The following NSUN6 variants were observed in gnomAD, a reference collection of about 807,000 sequenced individuals.
NSUN6 encodes the protein NOP2/Sun RNA methyltransferase 6.
A neutral mutation model predicts 58.0 loss-of-function variants in NSUN6; 64 were observed. That is an observed-to-expected ratio of 1.10 (90% CI 0.90 to 1.36). The LOEUF (loss-of-function observed/expected upper bound fraction) is 1.36. NSUN6 is among the 40% of genes most tolerant of loss of function. NSUN6 has a pLI of 0.00. For missense variants in NSUN6, 701 were observed against 550.1 expected (o/e 1.27, Z -2.74); for synonymous variants, 231 against 193.9 (o/e 1.19, Z -1.59).
At chr10:18,553,157 T>G (rs1277439699) in intron 8 of NSUN6, among the ~76,000 whole-genome samples, 1 of 151,840 alleles carries the variant, frequency 6.6e-6, no homozygotes, top group African/African-American at 2.4e-5. Flanking sequence ...TCCCTTCCAT[T>G]CCATTCTCCA....
At chr10:18,556,145 GGAATGGAATGGA>G (rs911070012) in intron 8 of NSUN6, among the ~76,000 whole-genome samples, 4 of 148,328 alleles carry the variant, frequency 2.7e-5, no homozygotes, top group Admixed American at 2.0e-4. Context: ...AATGGAGAAT[GGAATGGAATGGA>G]GAATGGAATG....
At chr10:18,634,886 TAGAA>T (rs1314316933) in intron 3 of NSUN6, among the ~76,000 whole-genome samples, 1 of 152,150 alleles carries the variant, frequency 6.6e-6, no homozygotes, top group Non-Finnish European at 1.5e-5. Context: ...CTGCGGTTCT[TAGAA>T]AGGGTTGCTT....
intron 2 of NSUN6, among the ~76,000 whole-genome samples, chr10:18,645,795 C>G (rs960230640): frequency 6.6e-6 from 1 of 152,128 alleles, no homozygotes; most frequent in African/African-American, 2.4e-5. Flanking sequence ...AAGATACCAC[C>G]AATGTTCCAA....
chr10:18,657,930 A>T (rs1195942041), upstream of NSUN6, among the ~76,000 whole-genome samples: 1 of 151,858 alleles, frequency 6.6e-6, no homozygotes, highest in African/African-American at 2.4e-5. Context: ...GCATCTTCAT[A>T]CAAAAATGCT....
intron 8 of NSUN6, among the ~76,000 whole-genome samples, chr10:18,573,685 T>A (rs1198999331): frequency 6.6e-6 from 1 of 152,146 alleles, no homozygotes; most frequent in Non-Finnish European, 1.5e-5. Flanking sequence ...ACACATATTC[T>A]TAACCATCTG....
At chr10:18,627,461 G>T (rs1039635495) in intron 3 of NSUN6, among the ~76,000 whole-genome samples, 5 of 152,208 alleles carry the variant, frequency 3.3e-5, no homozygotes, top group Admixed American at 6.5e-5. Context: ...CGTGAGCGAC[G>T]CAGAAGACGG....
chr10:18,637,448 T>C (rs1306024343), intron 3 of NSUN6, among the ~76,000 whole-genome samples: 1 of 152,216 alleles, frequency 6.6e-6, no homozygotes, highest in Non-Finnish European at 1.5e-5. Flanking sequence ...TTGAAAATAA[T>C]TTAAAGTTAA....
In NSUN6 at chr10:18,608,713, C is replaced by A. The variant is rs116107980; in HGVS notation, c.657+1132G>T. On this transcript the variant is annotated intron_variant, in intron 6 of 10. Coordinates refer to ENST00000377304, the MANE Select transcript of NSUN6 (RefSeq NM_182543.5). ...CAAACCAAAGAGAAAACTAACATTGCATTAAACATTATTAACTGGAAGGAG... is the reference window on the plus strand; with the variant it reads ...CAAACCAAAGAGAAAACTAACATTGAATTAAACATTATTAACTGGAAGGAG... Among the ~76,000 whole-genome samples, 1,228 of 150,718 alleles carry A rather than the reference C, an allele frequency of 8.1e-3. 20 individuals carry two copies. The highest frequency in any genetic ancestry group is 0.029 in the African/African-American group (1,178 of 41,078).
chr10:18,552,934 C>CCACATAT (rs1408508290), intron 8 of NSUN6, among the ~76,000 whole-genome samples: 8 of 138,404 alleles, frequency 5.8e-5, no homozygotes, highest in Non-Finnish European at 1.0e-4. Flanking sequence ...ACTCTCCATT[C>CCACATAT]CATTCTCCAC....
At position 18,647,725 on chromosome 10, in the gene NSUN6, GTTTTTTT is replaced by G. The variant is rs571301351; in HGVS notation, c.231+758_231+764del. ...TAAAACATAAGGCGCTCAACACCTT[GTTTTTTT>G]TTTTTTTTTTTTTTTTTTTTGAGAC... is the stretch of plus-strand genomic sequence containing the variant. On this transcript the variant is annotated intron_variant, in intron 2 of 10. Transcript: ENST00000377304. 5.8e-4 allele frequency among the ~76,000 whole-genome samples: 58 copies of G among 100,086 alleles called. 3 individuals are homozygous for G. Among genetic ancestry groups the G allele is most frequent in the East Asian group, 1.8e-3 (7 of 3,834 alleles). The allele number at this position is 100,086 out of a possible 152,430, so 65.7% of individuals were successfully genotyped here. A position where few individuals can be genotyped will look rare whatever the true frequency, so the allele number is the denominator to read the frequency against.
At chr10:18,648,032 C>A (rs578171255) in intron 2 of NSUN6, among the ~76,000 whole-genome samples, 1 of 152,174 alleles carries the variant, frequency 6.6e-6, no homozygotes, top group Non-Finnish European at 1.5e-5. Context: ...AGCCACCACG[C>A]CTGGCCCAAC....
intron 6 of NSUN6, among the ~76,000 whole-genome samples, chr10:18,604,951 T>A (rs1439675470): frequency 6.7e-6 from 1 of 150,090 alleles, no homozygotes; most frequent in Non-Finnish European, 1.5e-5. Context: ...AGTGGCGTGA[T>A]CTCGGCTCAC....
At chr10:18,602,339 G>A (rs1225321623) in intron 6 of NSUN6, among the ~76,000 whole-genome samples, 1 of 151,764 alleles carries the variant, frequency 6.6e-6, no homozygotes. Context: ...CGTCTCCCAG[G>A]TTCATGCCAT....
intron 8 of NSUN6, among the ~76,000 whole-genome samples, chr10:18,579,461 C>T (rs1158203279): frequency 2.6e-5 from 4 of 152,178 alleles, no homozygotes; most frequent in Admixed American, 1.3e-4. Context: ...TGAGCCACGT[C>T]GCCCGGCCTC....
At chr10:18,565,165 C>T (rs1421572887) in intron 8 of NSUN6, among the ~76,000 whole-genome samples, 2 of 151,390 alleles carry the variant, frequency 1.3e-5, no homozygotes, top group African/African-American at 4.8e-5. Context: ...CCATTTCATT[C>T]CCTTTCATTC....
At chr10:18,657,996 AAGC>A (rs2059796739), upstream of NSUN6, among the ~76,000 whole-genome samples, 1 of 152,046 alleles carries the variant, frequency 6.6e-6, no homozygotes, top group Non-Finnish European at 1.5e-5. Flanking sequence ...AAAAAAAAAA[AAGC>A]AGAATGTGGT....
rs113524377 is a variant in NSUN6, at chr10:18,550,521, C to T, written c.1071+1302G>A. Among the ~76,000 whole-genome samples, 56 of 152,222 alleles carry T rather than the reference C, an allele frequency of 3.7e-4. 1 individual carries two copies. The highest frequency in any genetic ancestry group is 1.2e-3 in the African/African-American group (49 of 41,530). On this transcript the variant is annotated intron_variant, in intron 9 of 10. Coordinates refer to ENST00000377304, the MANE Select transcript of NSUN6 (RefSeq NM_182543.5). ...TCTATGATCAAACACTGCCTATACA[C>T]GCTGAAATCCACTGAGTCATTTTTG...
chr10:18,582,502 GAA>G (rs1298209121), intron 8 of NSUN6, among the ~76,000 whole-genome samples: 1 of 152,166 alleles, frequency 6.6e-6, no homozygotes, highest in African/African-American at 2.4e-5. Flanking sequence ...GTTTATGAGA[GAA>G]TCAAGGTATG....
intron 3 of NSUN6, among the ~76,000 whole-genome samples, chr10:18,620,244 T>C (rs957395141): frequency 6.6e-6 from 1 of 152,010 alleles, no homozygotes; most frequent in Non-Finnish European, 1.5e-5. Context: ...CCCGCCACCA[T>C]ACCCGGCTAA....
Sources: gnomAD v4.1 joint callset for allele counts (sites outside exome capture counted in the v4.1 genomes callset) on GRCh38, gnomAD v4.1.1 for gene constraint, MANE v1.5 for transcripts, NCBI Gene and HGNC (gene_info 2026-07-23, HGNC 2026-07-21) for gene names.